Variants in FAM193A observed in about 807,000 individuals in gnomAD.
FAM193A encodes family with sequence similarity 193 member A.
Under a neutral mutation model 126.5 loss-of-function variants are expected in FAM193A, and 22 were observed. That is an observed-to-expected ratio of 0.17 (90% CI 0.12 to 0.25). FAM193A has a LOEUF of 0.25. Ranked by LOEUF, FAM193A falls within the 10% of genes least tolerant of loss-of-function variation. FAM193A has a pLI of 1.00. For missense variants in FAM193A, 1,675 were observed against 1,672.8 expected (o/e 1.00, Z -0.02); for synonymous variants, 761 against 646.8 (o/e 1.18, Z -2.68).
intron 1 of FAM193A, among the ~76,000 whole-genome samples, chr4:2,552,513 A>G (rs945579609): frequency 7.2e-5 from 11 of 151,896 alleles, no homozygotes; most frequent in African/African-American, 2.7e-4. Context: ...GCTGTATCCC[A>G]CAAATTTTGG....
chr4:2,684,179 G>A (rs1027319095), intron 13 of FAM193A, among the ~76,000 whole-genome samples: 3 of 152,128 alleles, frequency 2.0e-5, no homozygotes, highest in African/African-American at 7.2e-5. Flanking sequence ...AGCCTCTGGT[G>A]AGATTGTTGT....
chr4:2,560,993 C>G (rs1246537882), intron 1 of FAM193A, among the ~76,000 whole-genome samples: 1 of 152,172 alleles, frequency 6.6e-6, no homozygotes, highest in Admixed American at 6.6e-5. Context: ...ATCCACCTTT[C>G]TAGAACTTTC....
At chr4:2,593,065 A>G (rs1740657251) in intron 1 of FAM193A, among the ~76,000 whole-genome samples, 1 of 152,062 alleles carries the variant, frequency 6.6e-6, no homozygotes, top group African/African-American at 2.4e-5. Context: ...ACTCTTCCCA[A>G]ACAACCCTCC....
intron 1 of FAM193A, among the ~76,000 whole-genome samples, chr4:2,571,719 T>C (rs1208059249): frequency 6.6e-6 from 1 of 151,846 alleles, no homozygotes; most frequent in Non-Finnish European, 1.5e-5. Context: ...TTTGTATTTT[T>C]AGTAGAGACA....
intron 4 of FAM193A, among the ~76,000 whole-genome samples, chr4:2,627,159 C>CTTTTTTTTT (rs11385994): frequency 7.9e-6 from 1 of 126,308 alleles, no homozygotes; most frequent in African/African-American, 3.0e-5. Flanking sequence ...TTTGATGTAA[C>CTTTTTTTTT]TTTTTTTTTT....
intron 4 of FAM193A, among the ~76,000 whole-genome samples, chr4:2,628,978 G>A (rs1282945071): frequency 6.6e-6 from 1 of 151,610 alleles, no homozygotes; most frequent in Non-Finnish European, 1.5e-5. Context: ...TCAGCCTCGC[G>A]AGTAGCTGGG....
At chr4:2,557,867 G>A (rs1032495643) in intron 1 of FAM193A, among the ~76,000 whole-genome samples, 6 of 152,056 alleles carry the variant, frequency 3.9e-5, no homozygotes, top group Admixed American at 6.6e-5. Flanking sequence ...CAGAAGAATC[G>A]CTTGAACCCA....
chr4:2,718,538 A>T (rs1719787531), intron 20 of FAM193A, among the ~76,000 whole-genome samples: 1 of 152,124 alleles, frequency 6.6e-6, no homozygotes, highest in Non-Finnish European at 1.5e-5. Flanking sequence ...AGCCTGGGCA[A>T]CATGGTGAAA....
At chr4:2,672,731 A>T (rs1713962830) in intron 13 of FAM193A, among the ~76,000 whole-genome samples, 1 of 152,180 alleles carries the variant, frequency 6.6e-6, no homozygotes, top group South Asian at 2.1e-4. Context: ...TCTTAATTTG[A>T]TAGGTAAAAT....
At chr4:2,574,308 G>T (rs547260568) in intron 1 of FAM193A, among the ~76,000 whole-genome samples, 4 of 152,088 alleles carry the variant, frequency 2.6e-5, no homozygotes, top group Non-Finnish European at 1.5e-5. Flanking sequence ...GAGAGGGCCG[G>T]CCTGTCTCAC....
intron 13 of FAM193A, among the ~76,000 whole-genome samples, chr4:2,680,232 T>A (rs994009309): frequency 6.6e-6 from 1 of 152,226 alleles, no homozygotes; most frequent in African/African-American, 2.4e-5. Context: ...TTCTATTTCT[T>A]TATGATTTCG....
intron 1 of FAM193A, among the ~76,000 whole-genome samples, chr4:2,566,749 A>G (rs1208382117): frequency 6.6e-6 from 1 of 152,130 alleles, no homozygotes; most frequent in Non-Finnish European, 1.5e-5. Context: ...TTTGCTAAGA[A>G]TAATGTAAAT....
At chr4:2,560,204 A>C (rs956377799) in intron 1 of FAM193A, among the ~76,000 whole-genome samples, 2 of 151,910 alleles carry the variant, frequency 1.3e-5, no homozygotes, top group Non-Finnish European at 2.9e-5. Context: ...CGGCCTCCCA[A>C]AGTGTTGGGA....
intron 20 of FAM193A, among the ~76,000 whole-genome samples, chr4:2,721,887 C>T (rs1236566635): frequency 2.0e-5 from 3 of 152,198 alleles, no homozygotes; most frequent in Admixed American, 1.3e-4. Flanking sequence ...TGTGTTCATA[C>T]CGCAGTGAAG....
At chr4:2,547,226 A>G (rs182751592) in intron 1 of FAM193A, among the ~76,000 whole-genome samples, 377 of 152,166 alleles carry the variant, frequency 2.5e-3, no homozygotes, top group African/African-American at 8.0e-3. Context: ...CGTCTCTACT[A>G]AAAATACAAA....
Position 2,693,661 on chromosome 4 carries a change from G to A in FAM193A, c.2879G>A (p.Gly960Asp). Residue 960 changes from glycine (G) to aspartate (D), a missense_variant, in exon 16 of 21, where the codon GGC becomes GAC. Coordinates refer to ENST00000637812, the MANE Select transcript of FAM193A (RefSeq NM_001366318.2). ...APAAPRNSPT[G>D]LAPLPALSPA... ...GCCGCCCCGAGGAATAGCCCCACGG[G>A]CTTGGCCCCCCTCCCAGCGCTCTCG... The A allele has an allele frequency of 6.2e-7, 1 of 1,614,184 alleles. No individual in the cohort carries two copies. The highest frequency in any genetic ancestry group is 8.5e-7 in the Non-Finnish European group (1 of 1,180,032).
intron 1 of FAM193A, among the ~76,000 whole-genome samples, chr4:2,570,923 C>G (rs895692975): frequency 6.6e-6 from 1 of 152,218 alleles, no homozygotes; most frequent in Admixed American, 6.5e-5. Flanking sequence ...GGGCCTATTT[C>G]TCTTCTGCCG....
chr4:2,646,920 G>A, intron 7 of FAM193A, 88 bp downstream of exon 7: 1 of 1,372,344 alleles, frequency 7.3e-7, no homozygotes, highest in Non-Finnish European at 9.7e-7. Flanking sequence ...TTTGTCCTGA[G>A]CTGCAAGCCA....
chr4:2,679,541 G>A (rs1229206641), intron 13 of FAM193A, among the ~76,000 whole-genome samples: 1 of 151,626 alleles, frequency 6.6e-6, no homozygotes, highest in Non-Finnish European at 1.5e-5. Flanking sequence ...CACGAGGCCC[G>A]GCTAATTTTG....
Sources: allele counts gnomAD v4.1 joint callset (sites outside exome capture counted in the v4.1 genomes callset), GRCh38; gene constraint gnomAD v4.1.1; transcripts MANE v1.5; gene names NCBI Gene and HGNC (gene_info 2026-07-23, HGNC 2026-07-21).